CLTCL1: variants seen among roughly 807,000 people sequenced by gnomAD.
The protein encoded by CLTCL1 is clathrin heavy chain like 1.
In CLTCL1, 159 loss-of-function variants were observed where a neutral mutation model predicts 190.0. The ratio of observed to expected loss-of-function variants is 0.84; its 90% confidence interval spans 0.74 to 0.95. The LOEUF is 0.95. CLTCL1 is among the 40% of genes least tolerant of loss of function. The pLI, the probability that CLTCL1 is intolerant of heterozygous loss-of-function variation, is 0.00. For missense variants in CLTCL1, 1,878 were observed against 2,033.4 expected (o/e 0.92, Z 1.47); for synonymous variants, 752 against 769.6 (o/e 0.98, Z 0.38).
rs372686427 is a variant in CLTCL1, at chr22:19,196,407, C to T, written c.4050G>A (p.Arg1350=). The T allele has an allele frequency of 5.0e-4, 805 of 1,613,940 alleles. No individual in the cohort carries two copies. The highest frequency in any genetic ancestry group is 6.6e-4 in the Non-Finnish European group (773 of 1,179,904). ...WSRVNIPKVL[R]AAEQAHLWAE... Reference sequence around the variant, plus strand: ...CCCACAGGTGTGCCTGCTCTGCAGCCCTCAGCACCTGGACAAGGAGGTCAG... The same window carrying T: ...CCCACAGGTGTGCCTGCTCTGCAGCTCTCAGCACCTGGACAAGGAGGTCAG... Residue 1350 remains arginine, a synonymous_variant, in exon 26 of 33, where the codon AGG becomes AGA. Coordinates refer to ENST00000427926, the MANE Select transcript of CLTCL1 (RefSeq NM_007098.4).
chr22:19,251,159 G>A (rs984761987), intron 3 of CLTCL1, among the ~76,000 whole-genome samples: 1 of 151,782 alleles, frequency 6.6e-6, no homozygotes, highest in Middle Eastern at 3.4e-3. Flanking sequence ...AACATGTTTT[G>A]TAGTTTTCAG....
At chr22:19,217,356 C>T (rs998432189) in intron 18 of CLTCL1, among the ~76,000 whole-genome samples, 13 of 152,114 alleles carry the variant, frequency 8.5e-5, no homozygotes, top group African/African-American at 3.1e-4. Flanking sequence ...GTGGCTCATG[C>T]CTGTAATCCC....
chr22:19,198,441 A>G lies in CLTCL1; in HGVS notation c.3873+1293T>C, dbSNP rs1217326747. 6.6e-6 allele frequency among the ~76,000 whole-genome samples: 1 copy of G among 152,066 alleles called. No homozygotes were observed. The highest frequency in any genetic ancestry group is 1.5e-5 in the Non-Finnish European group (1 of 68,016). On this transcript the variant is annotated intron_variant, in intron 24 of 32. Transcript: ENST00000427926. This position sits in a 1 kb window ranked among gnomAD's most constrained non-coding sequence, Gnocchi z 4.1. The stretch of plus-strand genomic sequence containing the variant: ...CGACAGCCCTGCACCCATCCCAAGT[A>G]CAGCCCGTGACCTTCCTAACGGCCT...
At chr22:19,280,960 TTTC>T (rs1269012806) in intron 1 of CLTCL1, among the ~76,000 whole-genome samples, 3 of 151,018 alleles carry the variant, frequency 2.0e-5, no homozygotes, top group Non-Finnish European at 4.4e-5. Flanking sequence ...TGGGGAGTCA[TTTC>T]TTAACAGGTA....
At chr22:19,287,416 T>A (rs1601751948) in intron 1 of CLTCL1, among the ~76,000 whole-genome samples, 1 of 152,092 alleles carries the variant, frequency 6.6e-6, no homozygotes, top group African/African-American at 2.4e-5. Flanking sequence ...GAGGAGAATG[T>A]GTTTTGGCAA....
chr22:19,263,665 T>C (rs1288294749), intron 2 of CLTCL1, among the ~76,000 whole-genome samples: 2 of 152,196 alleles, frequency 1.3e-5, no homozygotes, highest in African/African-American at 4.8e-5. Context: ...GTGATTCTCC[T>C]GCCTCGGCCT....
rs782138976 is a variant in CLTCL1 at position 19,275,799 on chromosome 22, A to G, written c.74T>C (p.Ile25Thr). 3.1e-6 allele frequency: 5 copies of G among 1,606,568 alleles called. No individual in the cohort carries two copies. Among genetic ancestry groups the G allele is most frequent in the African/African-American group, 1.3e-5 (1 of 74,992 alleles). Residue 25 changes from isoleucine (I) to threonine (T), a missense_variant, in exon 2 of 33, where the codon ATT becomes ACT. By Grantham distance (89) the Ile-to-Thr change is moderately conservative (BLOSUM62 -1). Transcript: ENST00000427926. Reference protein sequence around the residue: ...LQNLGINPANIGFSTLTMESD... With the variant: ...LQNLGINPANTGFSTLTMESD... Reference sequence around the variant, plus strand: ...TTCCATGGTCAGTGTGCTGAATCCAATGTTAGCTGGATTAATTCCAAGGTT... The same window carrying G: ...TTCCATGGTCAGTGTGCTGAATCCAGTGTTAGCTGGATTAATTCCAAGGTT...
At chr22:19,183,337 G>T in intron 30 of CLTCL1, 53 bp downstream of exon 30, 1 of 1,508,522 alleles carries the variant, frequency 6.6e-7, no homozygotes, top group Non-Finnish European at 9.1e-7. Flanking sequence ...TCACTGCCAG[G>T]GTTGGGTCAT....
intron 2 of CLTCL1, among the ~76,000 whole-genome samples, chr22:19,260,401 T>C (rs1555974863): frequency 6.7e-6 from 1 of 148,536 alleles, no homozygotes. Context: ...TTAACTCTCT[T>C]GTTAGGGGAT....
intron 26 of CLTCL1, among the ~76,000 whole-genome samples, chr22:19,194,584 A>G (rs1033148335): frequency 1.3e-5 from 2 of 152,236 alleles, no homozygotes; most frequent in Non-Finnish European, 2.9e-5. Context: ...CACAACCTGA[A>G]AGAAGCGCCC....
rs2085141662 is a variant in CLTCL1 at position 19,209,114 on chromosome 22, C to T, written c.3250G>A (p.Val1084Ile). ...AGGTTTCCAATGTGCTCGATCAGGA[C>T]CTAGGGGTTATGAGAGGACTTCCAT... ...KFDMNASAIQ[V>I]LIEHIGNLDR... is the part of the protein sequence containing the mutation. Residue 1084 changes from valine (V) to isoleucine (I), a missense_variant and splice_region_variant, in exon 21 of 33, where the codon GTC becomes ATC. Val to Ile is a conservative substitution (Grantham distance 29, BLOSUM62 3). Coordinates refer to ENST00000427926, the MANE Select transcript of CLTCL1 (RefSeq NM_007098.4). The T allele has an allele frequency of 1.9e-6, 3 of 1,592,260 alleles. No individual in the cohort carries two copies. Among genetic ancestry groups the T allele is most frequent in the Non-Finnish European group, 2.6e-6 (3 of 1,167,600 alleles).
intron 4 of CLTCL1, among the ~76,000 whole-genome samples, chr22:19,240,704 G>A (rs1318635970): frequency 6.6e-6 from 1 of 152,220 alleles, no homozygotes; most frequent in Non-Finnish European, 1.5e-5. Flanking sequence ...TGTGAGGTGA[G>A]AAAGGCTTAG....
At chr22:19,221,280 G>A (rs897096886) in intron 17 of CLTCL1, 97 bp downstream of exon 17, 7 of 866,208 alleles carry the variant, frequency 8.1e-6, no homozygotes, top group Non-Finnish European at 1.2e-5. Flanking sequence ...ATCTCCAGGT[G>A]CACAGAAAGC....
intron 2 of CLTCL1, among the ~76,000 whole-genome samples, chr22:19,260,724 A>G (rs1013951599): frequency 4.9e-5 from 7 of 142,916 alleles, no homozygotes; most frequent in Admixed American, 3.7e-4. Flanking sequence ...GGTTGCGGTG[A>G]GCCAATATCG....
chr22:19,230,551 TCAA>T (rs1265591559), intron 10 of CLTCL1, among the ~76,000 whole-genome samples: 4 of 152,158 alleles, frequency 2.6e-5, no homozygotes, highest in Admixed American at 1.3e-4. Flanking sequence ...TGACCTCATC[TCAA>T]CAACAACAAC....
intron 19 of CLTCL1, among the ~76,000 whole-genome samples, chr22:19,211,264 T>A (rs1436341293): frequency 5.9e-5 from 9 of 152,268 alleles, no homozygotes; most frequent in African/African-American, 1.9e-4. Context: ...TTCCTCAATC[T>A]GAGAAAGTAC....
At chr22:19,256,686 G>A (rs2086771645) in intron 2 of CLTCL1, among the ~76,000 whole-genome samples, 1 of 150,198 alleles carries the variant, frequency 6.7e-6, no homozygotes, top group Non-Finnish European at 1.5e-5. Flanking sequence ...TTTTTTTAGA[G>A]ACTAGGTCTT....
chr22:19,258,498 G>T (rs2086838957), intron 2 of CLTCL1: 1 of 498,528 alleles, frequency 2.0e-6, no homozygotes, highest in Non-Finnish European at 3.8e-6. Context: ...AAGGGAGGTG[G>T]AGGCCTGCTA....
intron 2 of CLTCL1, among the ~76,000 whole-genome samples, chr22:19,270,595 TG>T (rs1244378849): frequency 5.3e-5 from 8 of 151,464 alleles, no homozygotes; most frequent in African/African-American, 1.9e-4. Flanking sequence ...GGTGTGATGG[TG>T]GGCACCTGTA....
Sources: allele counts gnomAD v4.1 joint callset (sites outside exome capture counted in the v4.1 genomes callset), GRCh38; gene constraint gnomAD v4.1.1; non-coding constraint Gnocchi (gnomAD v3.1); transcripts MANE v1.5; gene names NCBI Gene and HGNC (gene_info 2026-07-23, HGNC 2026-07-21).